Variants in ADGRL2 observed in about 807,000 individuals in gnomAD.
The protein encoded by ADGRL2 is calcium-independent alpha-latrotoxin receptor 2.
A neutral mutation model predicts 157.4 loss-of-function variants in ADGRL2; 44 were observed. The ratio of observed to expected loss-of-function variants is 0.28; its 90% CI spans 0.22 to 0.36. The LOEUF (loss-of-function observed/expected upper bound fraction) is 0.36. ADGRL2 is among the 10% of genes least tolerant of loss of function. ADGRL2 has a pLI of 1.00. For missense variants in ADGRL2, 1,510 were observed against 1,768.9 expected, an observed-to-expected ratio of 0.85 and a Z score of 2.63; for synonymous variants, 585 against 624.7, an observed-to-expected ratio of 0.94 and a Z score of 0.95.
At chr1:81,980,909 G>T in intron 18 of ADGRL2, 2 of 602,638 alleles carry the variant, frequency 3.3e-6, no homozygotes, top group Admixed American at 2.4e-5. Flanking sequence ...TCAGTATCAT[G>T]AATTGCCCTT....
At chr1:81,916,958 A>G (rs1256943309) in intron 3 of ADGRL2, among the ~76,000 whole-genome samples, 1 of 151,816 alleles carries the variant, frequency 6.6e-6, no homozygotes, top group Non-Finnish European at 1.5e-5. Flanking sequence ...ATTTTATTGA[A>G]TGAAGAGAAA....
At chr1:81,884,488 A>C (rs2094076149) in intron 2 of ADGRL2, among the ~76,000 whole-genome samples, 1 of 152,122 alleles carries the variant, frequency 6.6e-6, no homozygotes, top group African/African-American at 2.4e-5. Context: ...TTTTATTTTT[A>C]AGTTGAAAAT....
intron 3 of ADGRL2, among the ~76,000 whole-genome samples, chr1:81,914,773 T>C (rs2094815854): frequency 6.6e-6 from 1 of 152,202 alleles, no homozygotes; most frequent in African/African-American, 2.4e-5. Context: ...CACATCTCTG[T>C]GGCCAGTCTA....
At chr1:81,899,003 A>G (rs2094442642) in intron 2 of ADGRL2, among the ~76,000 whole-genome samples, 1 of 152,174 alleles carries the variant, frequency 6.6e-6, no homozygotes, top group African/African-American at 2.4e-5. Flanking sequence ...CCTGATAATC[A>G]AAAAGCATGG....
intron 3 of ADGRL2, among the ~76,000 whole-genome samples, chr1:81,636,709 C>T (rs1278834506): frequency 6.6e-6 from 1 of 152,158 alleles, no homozygotes; most frequent in East Asian, 1.9e-4. Flanking sequence ...TCAAATAAGA[C>T]TGGAAACAGT....
chr1:81,561,885 A>C (rs1409134989), intron 2 of ADGRL2, among the ~76,000 whole-genome samples: 2 of 152,204 alleles, frequency 1.3e-5, no homozygotes, highest in Non-Finnish European at 2.9e-5. Flanking sequence ...CAAAGCTTAG[A>C]AGAGCAAGAT....
Position 81,576,639 on chromosome 1 carries a change from C to T in ADGRL2, c.-247-4237C>T, listed in dbSNP as rs149701068. 1.5e-4 allele frequency among the ~76,000 whole-genome samples: 23 copies of T among 152,218 alleles called. No homozygotes were observed. The East Asian group carries it at 4.3e-3, about 28-fold the overall frequency. ...TGGAATGTTTAGTTCGGCGCACCCA[C>T]ATTTCAGGTTTCTCTCCATGGCACC... On this transcript the variant is annotated intron_variant, in intron 2 of 24. Coordinates refer to the ADGRL2 transcript ENST00000370721.
chr1:81,834,111 A>G (rs1257414342), intron 1 of ADGRL2, among the ~76,000 whole-genome samples: 2 of 152,174 alleles, frequency 1.3e-5, no homozygotes, highest in African/African-American at 4.8e-5. Flanking sequence ...TGTTTTACTA[A>G]GAAATGAACT....
At chr1:81,892,743 T>C (rs1240936596) in intron 2 of ADGRL2, among the ~76,000 whole-genome samples, 2 of 152,206 alleles carry the variant, frequency 1.3e-5, no homozygotes, top group Non-Finnish European at 2.9e-5. Flanking sequence ...AATTTTCAGA[T>C]CTTATTACTT....
intron 2 of ADGRL2, among the ~76,000 whole-genome samples, chr1:81,504,111 C>A (rs999498790): frequency 6.6e-6 from 1 of 152,188 alleles, no homozygotes; most frequent in African/African-American, 2.4e-5. Flanking sequence ...AGGGCCAGGG[C>A]CCACAGGGCA....
rs560719514 is a variant in ADGRL2 at position 81,987,653 on chromosome 1, T to C, written c.3638-216T>C. On this transcript the variant is annotated intron_variant, in intron 22 of 23. Coordinates refer to ENST00000686636, the MANE Select transcript of ADGRL2 (RefSeq NM_001366006.2). The stretch of plus-strand genomic sequence containing the variant: ...TTTAATAGCTTATTTTAAATAAAAG[T>C]ATATATATATTTAATATTAACAGAA... 4.6e-5 allele frequency among the ~76,000 whole-genome samples: 7 copies of C among 151,552 alleles called. 1 individual carries two copies. In the South Asian group the frequency reaches 1.5e-3, roughly 32 times the overall value.
At chr1:81,715,302 T>A (rs1219252957) in intron 1 of ADGRL2, among the ~76,000 whole-genome samples, 1 of 152,024 alleles carries the variant, frequency 6.6e-6, no homozygotes, top group Non-Finnish European at 1.5e-5. Flanking sequence ...TTCCTTTTTT[T>A]AATTCTAAAG....
rs550771019 is a variant in ADGRL2, at chr1:81,559,845, A to G, written c.-247-21031A>G. Reference sequence around the variant, plus strand: ...CACACGGCCACCACATCTAAGGGGCATTATGTACATCATAAACATCTTTAA... The same window carrying G: ...CACACGGCCACCACATCTAAGGGGCGTTATGTACATCATAAACATCTTTAA... On this transcript the variant is annotated intron_variant, in intron 2 of 24. Transcript: ENST00000370721. Among the ~76,000 whole-genome samples the G allele has an allele frequency of 1.1e-4, 16 of 152,322 alleles. No homozygotes were observed. In the East Asian group the frequency reaches 1.4e-3, roughly 13 times the overall value.
chr1:81,950,106 G>T, intron 6 of ADGRL2, 83 bp from the exon 7 acceptor site: 1 of 1,066,376 alleles, frequency 9.4e-7, no homozygotes, highest in Non-Finnish European at 1.4e-6. Context: ...GTGTGTGTGT[G>T]CATGCACACA....
chr1:81,917,785 G>A (rs542035830), intron 3 of ADGRL2, among the ~76,000 whole-genome samples: 1 of 152,156 alleles, frequency 6.6e-6, no homozygotes, highest in Non-Finnish European at 1.5e-5. Context: ...CCGCAGATCT[G>A]TTATTGTTAT....
intron 1 of ADGRL2, among the ~76,000 whole-genome samples, chr1:81,835,546 G>A (rs2092232377): frequency 6.6e-6 from 1 of 152,126 alleles, no homozygotes; most frequent in African/African-American, 2.4e-5. Flanking sequence ...GAGCCAGCCA[G>A]CTAGTTTTGC....
At chr1:81,327,560 G>C (rs1254044874) in intron 1 of ADGRL2, among the ~76,000 whole-genome samples, 1 of 152,034 alleles carries the variant, frequency 6.6e-6, no homozygotes, top group African/African-American at 2.4e-5. Context: ...CCTTTATCAT[G>C]GGACTTTCTT....
At chr1:81,937,253 A>G (rs2095324307) in intron 4 of ADGRL2, among the ~76,000 whole-genome samples, 1 of 151,898 alleles carries the variant, frequency 6.6e-6, no homozygotes, top group Non-Finnish European at 1.5e-5. Context: ...AGTGCTGGGT[A>G]AAAGCTACCA....
chr1:81,818,595 A>C (rs745522179), intron 1 of ADGRL2, among the ~76,000 whole-genome samples: 1 of 152,142 alleles, frequency 6.6e-6, no homozygotes, highest in Non-Finnish European at 1.5e-5. Flanking sequence ...CTACCTTGCC[A>C]TTACTTCTGG....
Sources: allele counts gnomAD v4.1 joint callset (sites outside exome capture counted in the v4.1 genomes callset), GRCh38; gene constraint gnomAD v4.1.1; transcripts MANE v1.5; gene names NCBI Gene and HGNC (gene_info 2026-07-23, HGNC 2026-07-21).